FBXL7: variants seen among roughly 807,000 people sequenced by gnomAD.
FBXL7 encodes F-box/LRR-repeat protein 7.
FBXL7 carries 12 observed loss-of-function variants against 38.3 expected under a neutral mutation model. That is an observed-to-expected ratio of 0.31 (90% CI 0.20 to 0.51). The LOEUF (loss-of-function observed/expected upper bound fraction) is 0.51. Among genes scored for constraint, FBXL7 ranks in the 20% least tolerant of loss-of-function variants. The pLI, the probability that FBXL7 is intolerant of heterozygous loss-of-function variation, is 0.98. For missense variants in FBXL7, 567 were observed against 676.4 expected, an observed-to-expected ratio of 0.84 and a Z score of 1.79; for synonymous variants, 297 against 300.9, an observed-to-expected ratio of 0.99 and a Z score of 0.13.
chr5:15,821,936 A>C lies in FBXL7; in HGVS notation c.128-105954A>C, dbSNP rs555621197. Among the ~76,000 whole-genome samples the C allele has an allele frequency of 3.3e-5, 5 of 152,044 alleles. No homozygotes were observed. The East Asian group carries it at 9.6e-4, about 29-fold the overall frequency. On this transcript the variant is annotated intron_variant, in intron 2 of 3. Coordinates refer to ENST00000504595, the MANE Select transcript of FBXL7 (RefSeq NM_012304.5). The stretch of plus-strand genomic sequence containing the variant: ...ACTGCCAAGCTCCCAGTTAACTTCT[A>C]TCTCGGGAGTGGACATGAGAGCCTA...
chr5:15,652,640 T>C (rs1183806887), intron 2 of FBXL7, among the ~76,000 whole-genome samples: 2 of 152,208 alleles, frequency 1.3e-5, no homozygotes, highest in Non-Finnish European at 2.9e-5. Context: ...TTTTGACATA[T>C]CTTCAAGTGA....
At chr5:15,652,771 G>A (rs999821827) in intron 2 of FBXL7, among the ~76,000 whole-genome samples, 4 of 152,174 alleles carry the variant, frequency 2.6e-5, no homozygotes, top group Non-Finnish European at 4.4e-5. Context: ...CTGCTCAGTG[G>A]AGCAATCAGA....
At chr5:15,502,572 A>G (rs987415744) in intron 1 of FBXL7, among the ~76,000 whole-genome samples, 2 of 152,202 alleles carry the variant, frequency 1.3e-5, no homozygotes, top group African/African-American at 4.8e-5. Context: ...TTACAAGGTA[A>G]CTGTGAGTTT....
chr5:15,745,679 G>A (rs1451670031), intron 2 of FBXL7, among the ~76,000 whole-genome samples: 1 of 152,154 alleles, frequency 6.6e-6, no homozygotes, highest in Non-Finnish European at 1.5e-5. Context: ...TAATACAGGA[G>A]TGTGCTTAGG....
chr5:15,804,798 T>C (rs1737661664), intron 2 of FBXL7, among the ~76,000 whole-genome samples: 1 of 152,134 alleles, frequency 6.6e-6, no homozygotes, highest in Non-Finnish European at 1.5e-5. Flanking sequence ...ATCTAATGCC[T>C]GATGATCTGA....
intron 2 of FBXL7, among the ~76,000 whole-genome samples, chr5:15,642,917 A>G (rs1741413507): frequency 6.6e-6 from 1 of 152,114 alleles, no homozygotes; most frequent in Non-Finnish European, 1.5e-5. Flanking sequence ...TAAGTGCAAA[A>G]CTCTACTTTC....
chr5:15,679,745 G>GT (rs1376156476), intron 2 of FBXL7, among the ~76,000 whole-genome samples: 1 of 152,056 alleles, frequency 6.6e-6, no homozygotes, highest in Non-Finnish European at 1.5e-5. Context: ...TTTTTAGGTG[G>GT]TAACAGCCGA....
intron 2 of FBXL7, among the ~76,000 whole-genome samples, chr5:15,655,549 A>T (rs1741851084): frequency 6.6e-6 from 1 of 152,126 alleles, no homozygotes; most frequent in Non-Finnish European, 1.5e-5. Flanking sequence ...CTAAATTAGT[A>T]CTTCCATATG....
At chr5:15,616,925 C>T (rs143955594) in intron 2 of FBXL7, among the ~76,000 whole-genome samples, 9 of 152,288 alleles carry the variant, frequency 5.9e-5, no homozygotes, top group Admixed American at 3.3e-4. Context: ...CATTGTGTAG[C>T]GCCTGCTTTC....
At chr5:15,711,911 A>C (rs1254222107) in intron 2 of FBXL7, among the ~76,000 whole-genome samples, 1 of 152,240 alleles carries the variant, frequency 6.6e-6, no homozygotes, top group Non-Finnish European at 1.5e-5. Context: ...TAACAGCAGT[A>C]ATACAGGTAT....
intron 2 of FBXL7, among the ~76,000 whole-genome samples, chr5:15,719,964 G>T (rs900692184): frequency 6.7e-6 from 1 of 148,836 alleles, no homozygotes; most frequent in East Asian, 2.0e-4. Flanking sequence ...AGAGAAGTCT[G>T]CGTATTCCCT....
intron 2 of FBXL7, among the ~76,000 whole-genome samples, chr5:15,656,959 A>G (rs1333230140): frequency 6.6e-6 from 1 of 152,154 alleles, no homozygotes; most frequent in East Asian, 1.9e-4. Flanking sequence ...TAAAAATGGA[A>G]ATGAGAAAGA....
intron 2 of FBXL7, among the ~76,000 whole-genome samples, chr5:15,689,360 T>C (rs1743114719): frequency 6.6e-6 from 1 of 152,052 alleles, no homozygotes; most frequent in Non-Finnish European, 1.5e-5. Context: ...CCTTAGGTTA[T>C]ATAATAGGTC....
At chr5:15,589,791 G>A (rs1197825287) in intron 1 of FBXL7, among the ~76,000 whole-genome samples, 3 of 152,132 alleles carry the variant, frequency 2.0e-5, no homozygotes, top group African/African-American at 7.2e-5. Context: ...TTCCAATCCA[G>A]CCATGGCATA....
At chr5:15,649,245 C>T (rs149875328) in intron 2 of FBXL7, among the ~76,000 whole-genome samples, 3,856 of 152,252 alleles carry the variant, frequency 0.025, 78 homozygotes, top group East Asian at 0.053. Context: ...GATCCAACCA[C>T]CTCAGCCTCC....
intron 1 of FBXL7, among the ~76,000 whole-genome samples, chr5:15,608,092 C>T (rs2126504906): frequency 6.6e-6 from 1 of 152,056 alleles, no homozygotes; most frequent in South Asian, 2.1e-4. Context: ...AATGTATGTG[C>T]ATATATAATA....
chr5:15,528,146 A>C lies in FBXL7; in HGVS notation c.37+27433A>C, dbSNP rs1487031643. ...ATCCTCTTTCTGGTTTTGAAGCCCC[A>C]GAATGCATAGCAGACATTGGATAGG... On this transcript the variant is annotated intron_variant, in intron 1 of 3. Transcript: ENST00000504595. 3.9e-5 allele frequency among the ~76,000 whole-genome samples: 6 copies of C among 152,242 alleles called. No individual in the cohort carries two copies. The South Asian group carries it at 1.0e-3, about 26-fold the overall frequency.
At chr5:15,787,144 C>CA (rs1401057073) in intron 2 of FBXL7, among the ~76,000 whole-genome samples, 5 of 152,164 alleles carry the variant, frequency 3.3e-5, no homozygotes, top group Non-Finnish European at 7.3e-5. Flanking sequence ...TCCAGACTTC[C>CA]GGCCCCCGGA....
intron 2 of FBXL7, among the ~76,000 whole-genome samples, chr5:15,848,437 A>G (rs1738987406): frequency 6.6e-6 from 1 of 152,152 alleles, no homozygotes; most frequent in African/African-American, 2.4e-5. Context: ...GCTGGAGTGC[A>G]GTGGCGTGAT....
Sources: gnomAD v4.1 joint callset for allele counts (sites outside exome capture counted in the v4.1 genomes callset) on GRCh38, gnomAD v4.1.1 for gene constraint, MANE v1.5 for transcripts, NCBI Gene and HGNC (gene_info 2026-07-23, HGNC 2026-07-21) for gene names.